The following AOPEP variants were observed in gnomAD, a reference collection of about 807,000 sequenced individuals.
AOPEP encodes the protein aminopeptidase O.
A neutral mutation model predicts 98.1 loss-of-function variants in AOPEP; 77 were observed. The ratio of observed to expected loss-of-function variants is 0.78; its 90% CI spans 0.65 to 0.95. The LOEUF is 0.95. Ranked by LOEUF, AOPEP falls within the 40% of genes least tolerant of loss-of-function variation. AOPEP has a pLI of 0.00. For missense variants in AOPEP, 1,024 were observed against 1,024.7 expected (o/e 1.00, Z 0.01); for synonymous variants, 346 against 365.3 (o/e 0.95, Z 0.60).
At chr9:94,803,012 C>T (rs1286356738) in intron 5 of AOPEP, among the ~76,000 whole-genome samples, 4 of 152,118 alleles carry the variant, frequency 2.6e-5, no homozygotes, top group Admixed American at 2.0e-4. Context: ...TACTGGGGCC[C>T]TGCTGCTTTA....
intron 13 of AOPEP, among the ~76,000 whole-genome samples, chr9:95,057,507 ATT>A (rs774543343): frequency 6.6e-6 from 1 of 152,162 alleles, no homozygotes; most frequent in Non-Finnish European, 1.5e-5. Flanking sequence ...CTGCTTTTTC[ATT>A]TGTAGGGTGG....
intron 3 of AOPEP, among the ~76,000 whole-genome samples, chr9:94,774,025 C>T (rs1002718202): frequency 6.6e-6 from 1 of 152,156 alleles, no homozygotes; most frequent in Non-Finnish European, 1.5e-5. Context: ...ACCTCAGCCT[C>T]CCAAAGGTGT....
intron 5 of AOPEP, among the ~76,000 whole-genome samples, chr9:94,811,032 CT>C (rs969826552): frequency 6.6e-6 from 1 of 152,214 alleles, no homozygotes; most frequent in Non-Finnish European, 1.5e-5. Flanking sequence ...CCCCCTACCC[CT>C]GTCACATGTC....
At position 94,876,776 on chromosome 9, in the gene AOPEP, G is replaced by T. The variant is rs555736397; in HGVS notation, c.1365-47210G>T. Among the ~76,000 whole-genome samples, 10 of 152,242 alleles carry T rather than the reference G, an allele frequency of 6.6e-5. No individual in the cohort carries two copies. In the South Asian group the frequency reaches 2.1e-3, roughly 32 times the overall value. On this transcript the variant is annotated intron_variant, in intron 5 of 16. Coordinates refer to ENST00000375315, the MANE Select transcript of AOPEP (RefSeq NM_001193329.3). ...AACAAAATCAGGGGAGAGATACTCA[G>T]TTTTCCTCAGTACCAAATATAAGCC...
chr9:94,769,986 C>T (rs919735542), intron 2 of AOPEP, among the ~76,000 whole-genome samples: 2 of 152,242 alleles, frequency 1.3e-5, no homozygotes, highest in African/African-American at 4.8e-5. Flanking sequence ...AGCCCCCCAT[C>T]GACTGACTCA....
chr9:94,798,840 C>A (rs1298921172), intron 4 of AOPEP, among the ~76,000 whole-genome samples: 1 of 152,204 alleles, frequency 6.6e-6, no homozygotes, highest in Non-Finnish European at 1.5e-5. Flanking sequence ...TGCACAAGCA[C>A]AGTACTTGTC....
intron 16 of AOPEP, 95 bp from the exon 17 acceptor site, chr9:95,086,587 C>G (rs2070733327): frequency 2.0e-6 from 2 of 992,172 alleles, no homozygotes. Flanking sequence ...AAAGTCCTCT[C>G]TTGAAAGTGG....
chr9:94,757,005 A>G (rs1837210446), intron 1 of AOPEP, among the ~76,000 whole-genome samples: 1 of 152,184 alleles, frequency 6.6e-6, no homozygotes, highest in South Asian at 2.1e-4. Context: ...TGCCTTTGCC[A>G]TATCTTCATC....
At chr9:94,923,304 G>T (rs775769358) in intron 5 of AOPEP, among the ~76,000 whole-genome samples, 1 of 152,176 alleles carries the variant, frequency 6.6e-6, no homozygotes, top group Non-Finnish European at 1.5e-5. Context: ...GGGGCCATTT[G>T]CACACCTGGG....
At chr9:94,871,862 C>G (rs924612767) in intron 5 of AOPEP, among the ~76,000 whole-genome samples, 2 of 152,068 alleles carry the variant, frequency 1.3e-5, no homozygotes, top group African/African-American at 4.8e-5. Flanking sequence ...CTAAAGTTAA[C>G]CAGGCATGTT....
chr9:94,842,325 T>C (rs2042365441), intron 5 of AOPEP, among the ~76,000 whole-genome samples: 1 of 151,760 alleles, frequency 6.6e-6, no homozygotes, highest in Admixed American at 6.6e-5. Flanking sequence ...TTGTGCCACT[T>C]ACTCCAGCTT....
intron 14 of AOPEP, among the ~76,000 whole-genome samples, chr9:95,064,809 A>G (rs1442598072): frequency 6.6e-6 from 1 of 152,210 alleles, no homozygotes; most frequent in Non-Finnish European, 1.5e-5. Flanking sequence ...CCAAAAGCAT[A>G]GTTCTGTGAC....
chr9:94,848,024 A>G (rs376675835), intron 5 of AOPEP, among the ~76,000 whole-genome samples: 1 of 152,312 alleles, frequency 6.6e-6, no homozygotes, highest in Non-Finnish European at 1.5e-5. Flanking sequence ...AAATTTCTAC[A>G]ATCTAAAGTG....
At chr9:95,104,376 T>TG in the AOPEP span, among the ~76,000 whole-genome samples, 1 of 152,190 alleles carries the variant, frequency 6.6e-6, no homozygotes, top group African/African-American at 2.4e-5. Flanking sequence ...GCTCTGGGAA[T>TG]GGGCTTCTGC....
chr9:95,096,971 T>C, the AOPEP span, among the ~76,000 whole-genome samples: 6 of 152,072 alleles, frequency 3.9e-5, no homozygotes, highest in Non-Finnish European at 8.8e-5. Flanking sequence ...TGGAAGGGGA[T>C]TGGGCAATGT....
intron 5 of AOPEP, among the ~76,000 whole-genome samples, chr9:94,901,095 CAT>C (rs2050331817): frequency 2.7e-4 from 2 of 7,334 alleles, no homozygotes; most frequent in Non-Finnish European, 4.0e-3. Flanking sequence ...TATGAAACAT[CAT>C]TTCAGTAAGT....
At chr9:95,145,848 G>A in the AOPEP span, among the ~76,000 whole-genome samples, 1 of 151,960 alleles carries the variant, frequency 6.6e-6, no homozygotes, top group Non-Finnish European at 1.5e-5. Flanking sequence ...ACCGGAGAAC[G>A]GGGAAAACAA....
chr9:95,098,838 C>T, the AOPEP span, among the ~76,000 whole-genome samples: 4 of 152,166 alleles, frequency 2.6e-5, no homozygotes, highest in African/African-American at 9.7e-5. Flanking sequence ...GCAGGCCCTG[C>T]CAGATGCCTG....
At chr9:95,057,368 C>G (rs1040754104) in intron 13 of AOPEP, among the ~76,000 whole-genome samples, 5 of 152,250 alleles carry the variant, frequency 3.3e-5, no homozygotes, top group African/African-American at 1.2e-4. Flanking sequence ...GAGTGGTCCA[C>G]ATAGCATGTC....
Sources: gnomAD v4.1 joint callset for allele counts (sites outside exome capture counted in the v4.1 genomes callset) on GRCh38, gnomAD v4.1.1 for gene constraint, MANE v1.5 for transcripts, NCBI Gene and HGNC (gene_info 2026-07-23, HGNC 2026-07-21) for gene names.